Variants in CYRIB observed in about 807,000 individuals in gnomAD.
The protein encoded by CYRIB is CYFIP-related Rac1 interactor B.
CYRIB carries 8 observed loss-of-function variants against 44.2 expected under a neutral mutation model. The ratio of observed to expected loss-of-function variants is 0.18; its 90% CI spans 0.11 to 0.33. The LOEUF (loss-of-function observed/expected upper bound fraction) is 0.33. Ranked by LOEUF, CYRIB falls within the 10% of genes least tolerant of loss-of-function variation. CYRIB has a pLI of 1.00. For missense variants in CYRIB, 185 were observed against 382.8 expected, an observed-to-expected ratio of 0.48 and a Z score of 4.31; for synonymous variants, 131 against 127.2, an observed-to-expected ratio of 1.03 and a Z score of -0.20.
chr8:129,938,831 A>AG (rs2093273723), intron 1 of CYRIB, among the ~76,000 whole-genome samples: 1 of 152,228 alleles, frequency 6.6e-6, no homozygotes, highest in Non-Finnish European at 1.5e-5. Context: ...AAAGGTACTC[A>AG]GTATGACCCA....
chr8:129,910,597 A>C (rs965899454), intron 1 of CYRIB, among the ~76,000 whole-genome samples: 1 of 151,010 alleles, frequency 6.6e-6, no homozygotes, highest in Non-Finnish European at 1.5e-5. Context: ...CAGGAGTTTG[A>C]GAACAGACAA....
chr8:129,920,093 C>CA (rs35451574), intron 1 of CYRIB, among the ~76,000 whole-genome samples: 2,539 of 91,954 alleles, frequency 0.028, 55 homozygotes, highest in African/African-American at 0.08. Flanking sequence ...AAAACACTTT[C>CA]AAAAAAAAAA....
At chr8:129,984,646 G>A (rs956021352) in intron 1 of CYRIB, among the ~76,000 whole-genome samples, 6 of 152,172 alleles carry the variant, frequency 3.9e-5, no homozygotes, top group Non-Finnish European at 8.8e-5. Context: ...GGCTCTACCA[G>A]TCAGGATAAC....
intron 2 of CYRIB, among the ~76,000 whole-genome samples, chr8:129,959,218 C>G (rs1195888331): frequency 6.6e-6 from 1 of 151,818 alleles, no homozygotes; most frequent in African/African-American, 2.4e-5. Context: ...TTCTCTACCC[C>G]CATCACAAAA....
chr8:130,005,800 A>G (rs1592310324), intron 1 of CYRIB, among the ~76,000 whole-genome samples: 1 of 149,940 alleles, frequency 6.7e-6, no homozygotes, highest in African/African-American at 2.5e-5. Flanking sequence ...TAACACAGTG[A>G]GACCTCATCT....
At chr8:129,925,266 T>A (rs1313832617) in intron 1 of CYRIB, among the ~76,000 whole-genome samples, 1 of 151,996 alleles carries the variant, frequency 6.6e-6, no homozygotes, top group Non-Finnish European at 1.5e-5. Flanking sequence ...GGCATGGTGG[T>A]GTGTACCTGT....
intron 2 of CYRIB, among the ~76,000 whole-genome samples, chr8:129,963,353 C>T (rs954144812): frequency 6.6e-6 from 1 of 152,202 alleles, no homozygotes; most frequent in Admixed American, 6.5e-5. Flanking sequence ...CTAATGAAAT[C>T]CGAAGTGCTG....
chr8:129,860,568 T>TA (rs1477920877), intron 5 of CYRIB, among the ~76,000 whole-genome samples: 1 of 152,194 alleles, frequency 6.6e-6, no homozygotes, highest in African/African-American at 2.4e-5. Flanking sequence ...CAAACTACTG[T>TA]CTGTCTTAAC....
At chr8:130,002,396 G>A (rs1354412727) in intron 1 of CYRIB, among the ~76,000 whole-genome samples, 4 of 152,058 alleles carry the variant, frequency 2.6e-5, no homozygotes, top group Non-Finnish European at 5.9e-5. Flanking sequence ...GAGAGGTCGA[G>A]GCTGCAGTGA....
At chr8:130,005,346 C>T (rs1422485476) in intron 1 of CYRIB, among the ~76,000 whole-genome samples, 4 of 152,200 alleles carry the variant, frequency 2.6e-5, no homozygotes, top group Non-Finnish European at 4.4e-5. Flanking sequence ...CTTCACAACC[C>T]GCCTCCCAGG....
At chr8:129,955,074 T>G (rs924284972) in intron 2 of CYRIB, among the ~76,000 whole-genome samples, 3 of 151,920 alleles carry the variant, frequency 2.0e-5, no homozygotes, top group African/African-American at 4.8e-5. Context: ...GCCAACATGG[T>G]GAAGTCCCGT....
At chr8:129,869,406 C>CAAAAAAAAAAAAAAAAAAAAAAA in intron 4 of CYRIB, among the ~76,000 whole-genome samples, 1 of 128,416 alleles carries the variant, frequency 7.8e-6, no homozygotes, top group Admixed American at 8.0e-5. Flanking sequence ...AAAAAAAAAT[C>CAAAAAAAAAAAAAAAAAAAAAAA]AAACAGGTAA....
At chr8:129,970,737 T>TGGAATGAATGAATATTCATAGAG (rs1172277395) in intron 2 of CYRIB, 43 of 152,298 alleles carry the variant, frequency 2.8e-4, no homozygotes, top group African/African-American at 1.0e-3. Flanking sequence ...TGTAGGTTCA[T>TGGAATGAATGAATATTCATAGAG]GGAATGAATG....
chr8:129,906,546 G>A (rs2075493012), intron 1 of CYRIB, among the ~76,000 whole-genome samples: 1 of 152,144 alleles, frequency 6.6e-6, no homozygotes, highest in Admixed American at 6.5e-5. Flanking sequence ...GCATGGGCAA[G>A]GACTTCATGT....
chr8:129,885,215 A>G (rs1192118520), intron 2 of CYRIB, among the ~76,000 whole-genome samples: 2 of 152,098 alleles, frequency 1.3e-5, no homozygotes, highest in Non-Finnish European at 2.9e-5. Flanking sequence ...GCTTCTTTCC[A>G]TCCTTCAGGG....
intron 1 of CYRIB, among the ~76,000 whole-genome samples, chr8:129,993,481 G>A (rs1335413295): frequency 6.6e-6 from 1 of 152,064 alleles, no homozygotes; most frequent in Admixed American, 6.6e-5. Flanking sequence ...CAGATCACTT[G>A]AGGTCAGGAG....
intron 1 of CYRIB, among the ~76,000 whole-genome samples, chr8:130,015,251 A>G (rs2097314970): frequency 1.3e-5 from 2 of 152,118 alleles, no homozygotes; most frequent in Non-Finnish European, 1.5e-5. Flanking sequence ...TCATCTCACA[A>G]TTATCTATGG....
At chr8:129,862,982 T>A (rs76909352) in intron 4 of CYRIB, among the ~76,000 whole-genome samples, 7,923 of 152,250 alleles carry the variant, frequency 0.052, 679 homozygotes, top group African/African-American at 0.17. Context: ...TGTTAAATAT[T>A]TTATGCCTTG....
At chr8:129,882,623 A>G (rs1167912841) in intron 2 of CYRIB, among the ~76,000 whole-genome samples, 1 of 152,134 alleles carries the variant, frequency 6.6e-6, no homozygotes, top group Non-Finnish European at 1.5e-5. Context: ...GAAGAGGGAG[A>G]TTAGGTTTCC....
Sources: gnomAD v4.1 joint callset for allele counts (sites outside exome capture counted in the v4.1 genomes callset) on GRCh38, gnomAD v4.1.1 for gene constraint, MANE v1.5 for transcripts, NCBI Gene and HGNC (gene_info 2026-07-23, HGNC 2026-07-21) for gene names.